GAS7: variants seen among roughly 807,000 people sequenced by gnomAD.
GAS7 encodes the protein growth arrest specific 7, also known as growth arrest-specific protein 7.
In GAS7, 28 loss-of-function variants were observed where a neutral mutation model predicts 71.1. That is an observed-to-expected ratio of 0.39 (90% confidence interval 0.29 to 0.54). The LOEUF (loss-of-function observed/expected upper bound fraction) is 0.54, where lower values mean the gene tolerates loss of function less well. Ranked by LOEUF, GAS7 falls within the 20% of genes least tolerant of loss-of-function variation. The pLI is 0.62. For synonymous variants in GAS7, 258 were observed against 245.8 expected, an observed-to-expected ratio of 1.05 and a Z score of -0.46; for missense variants, 436 against 627.8, an observed-to-expected ratio of 0.69 and a Z score of 3.27.
At chr17:10,157,113 G>A (rs1235824461) in intron 1 of GAS7, among the ~76,000 whole-genome samples, 1 of 152,076 alleles carries the variant, frequency 6.6e-6, no homozygotes, top group Non-Finnish European at 1.5e-5. Context: ...CATGCATCAT[G>A]ACAAGGCCAC....
chr17:9,935,290 C>A (rs1397331870), intron 8 of GAS7, among the ~76,000 whole-genome samples: 1 of 152,222 alleles, frequency 6.6e-6, no homozygotes, highest in East Asian at 1.9e-4. Flanking sequence ...CTCTTAGCAG[C>A]ATCACTTCTC....
At chr17:10,015,862 G>C (rs940364872) in intron 2 of GAS7, among the ~76,000 whole-genome samples, 5 of 151,816 alleles carry the variant, frequency 3.3e-5, no homozygotes, top group African/African-American at 1.2e-4. Flanking sequence ...GATTCCCCAG[G>C]GTCTCTCTGT....
intron 1 of GAS7, among the ~76,000 whole-genome samples, chr17:10,144,662 GC>G (rs1453638911): frequency 6.6e-6 from 1 of 151,898 alleles, no homozygotes; most frequent in Non-Finnish European, 1.5e-5. Context: ...TCCCACCTCA[GC>G]CCCCTAAGTA....
intron 2 of GAS7, among the ~76,000 whole-genome samples, chr17:9,999,678 G>A (rs1206033010): frequency 6.6e-6 from 1 of 152,174 alleles, no homozygotes; most frequent in Non-Finnish European, 1.5e-5. Flanking sequence ...CCAAGGAAGA[G>A]GATGGCCATT....
In GAS7 at chr17:10,019,902, T is replaced by C; in HGVS notation, c.184-5A>G. 6.2e-7 allele frequency: 1 copy of C among 1,613,068 alleles called. No individual in the cohort carries two copies. Among genetic ancestry groups the C allele is most frequent in the Non-Finnish European group, 8.5e-7 (1 of 1,179,822 alleles). On this transcript the variant is annotated splice_region_variant and splice_polypyrimidine_tract_variant and intron_variant, in intron 1 of 13. Coordinates refer to ENST00000432992, the MANE Select transcript of GAS7 (RefSeq NM_201433.2). ...AGGGGGGACCATTCCAGGCTTCTGTTGGAGAAGAAAGAAAAGGTCACACCC... is the reference window on the plus strand; with the variant it reads ...AGGGGGGACCATTCCAGGCTTCTGTCGGAGAAGAAAGAAAAGGTCACACCC...
At position 9,959,572 on chromosome 17, in the gene GAS7, T is replaced by C. The variant is rs2069395257; in HGVS notation, c.472-317A>G. 2.7e-6 allele frequency: 2 copies of C among 746,116 alleles called. No homozygotes were observed. Among genetic ancestry groups the C allele is most frequent in the African/African-American group, 3.5e-5 (2 of 56,538 alleles). The allele number at this position is 746,116 out of a possible 1,614,324, so 46.2% of individuals were successfully genotyped here. A position where few individuals can be genotyped will look rare whatever the true frequency, so the allele number is the denominator to read the frequency against. ...TAACCCCTCCGCTGCCCTCTGCTGG[T>C]GAACGTTCCGCGTGCCGCTTGCTGC... On this transcript the variant is annotated intron_variant, in intron 4 of 13. Coordinates refer to ENST00000432992, the MANE Select transcript of GAS7 (RefSeq NM_201433.2). The surrounding 1 kb of genome is among the most constrained non-coding windows in gnomAD (Gnocchi z 5.0).
Position 10,053,877 on chromosome 17 carries a change from C to T in GAS7, c.184-33980G>A, listed in dbSNP as rs116450559. On this transcript the variant is annotated intron_variant, in intron 1 of 13. Coordinates refer to ENST00000432992, the MANE Select transcript of GAS7 (RefSeq NM_201433.2). ...CCTATCCATCCCCTGAGCATCAGAGCGGTGATTCTCAAGCTTCAGCATGCA... is the reference window on the plus strand; with the variant it reads ...CCTATCCATCCCCTGAGCATCAGAGTGGTGATTCTCAAGCTTCAGCATGCA... Among the ~76,000 whole-genome samples, 199 of 152,260 alleles carry T rather than the reference C, an allele frequency of 1.3e-3. 2 individuals carry two copies. Among genetic ancestry groups the T allele is most frequent in the African/African-American group, 4.5e-3 (185 of 41,552 alleles).
chr17:10,016,751 AAATAAT>A (rs4057773), intron 2 of GAS7, among the ~76,000 whole-genome samples: 27,607 of 139,536 alleles, frequency 0.2, 2,901 homozygotes, highest in Middle Eastern at 0.25. Context: ...TCTCTACAAA[AAATAAT>A]AATAATAATA....
At chr17:10,111,991 T>A (rs1177714588) in intron 1 of GAS7, among the ~76,000 whole-genome samples, 1 of 152,190 alleles carries the variant, frequency 6.6e-6, no homozygotes, top group Non-Finnish European at 1.5e-5. Context: ...TATAAATTAA[T>A]CCAAATGAAA....
chr17:10,190,399 G>T (rs1048856676), intron 1 of GAS7, among the ~76,000 whole-genome samples: 2 of 151,918 alleles, frequency 1.3e-5, no homozygotes, highest in South Asian at 4.2e-4. Flanking sequence ...CCTGACCAGC[G>T]TGGTGAAACC....
At chr17:9,979,318 G>T (rs964536214) in intron 3 of GAS7, among the ~76,000 whole-genome samples, 1 of 152,138 alleles carries the variant, frequency 6.6e-6, no homozygotes. Context: ...GACAGGAGTT[G>T]TCAACACACT....
chr17:10,180,857 T>C (rs897664633), intron 1 of GAS7, among the ~76,000 whole-genome samples: 2 of 152,024 alleles, frequency 1.3e-5, no homozygotes, highest in Non-Finnish European at 1.5e-5. Context: ...ACCATGAATG[T>C]CAGCATGAGG....
chr17:10,133,123 T>TG (rs770717224), intron 1 of GAS7, among the ~76,000 whole-genome samples: 1 of 129,260 alleles, frequency 7.7e-6, no homozygotes, highest in Non-Finnish European at 1.6e-5. Context: ...TATTTTTATA[T>TG]TTTTTTTTTT....
At chr17:10,084,062 G>C (rs1027414440) in intron 1 of GAS7, among the ~76,000 whole-genome samples, 3 of 152,194 alleles carry the variant, frequency 2.0e-5, no homozygotes, top group Non-Finnish European at 2.9e-5. Flanking sequence ...GCTCTCACAG[G>C]GAGGCTGCGG....
intron 3 of GAS7, among the ~76,000 whole-genome samples, chr17:9,970,876 T>G (rs1292916788): frequency 6.6e-5 from 10 of 152,124 alleles, no homozygotes; most frequent in African/African-American, 2.4e-4. Flanking sequence ...CATCACGAAT[T>G]CACACTGGGA....
At chr17:10,108,229 C>A (rs987527079) in intron 1 of GAS7, among the ~76,000 whole-genome samples, 1 of 152,220 alleles carries the variant, frequency 6.6e-6, no homozygotes, top group Admixed American at 6.5e-5. Context: ...TCCCTAACAA[C>A]CTCCACCTGG....
At chr17:9,992,605 T>G (rs1046290482) in intron 2 of GAS7, among the ~76,000 whole-genome samples, 1 of 150,822 alleles carries the variant, frequency 6.6e-6, no homozygotes, top group Non-Finnish European at 1.5e-5. Context: ...TTTAATTAAT[T>G]AATTTATTAT....
chr17:10,076,792 TCCTGTACGAGGGCTGCCCTC>T (rs1229480682), intron 1 of GAS7, among the ~76,000 whole-genome samples: 1 of 152,050 alleles, frequency 6.6e-6, no homozygotes, highest in Non-Finnish European at 1.5e-5. Flanking sequence ...CAATAGAGAA[TCCTGTACGAGGGCTGCCCTC>T]CCAGTACCAG....
At chr17:9,991,588 C>T (rs778843711) in intron 2 of GAS7, among the ~76,000 whole-genome samples, 12 of 152,080 alleles carry the variant, frequency 7.9e-5, no homozygotes, top group Non-Finnish European at 1.3e-4. Context: ...CCAAGGAATT[C>T]GAAGGGTCGC....
Sources: allele counts gnomAD v4.1 joint callset (sites outside exome capture counted in the v4.1 genomes callset), GRCh38; gene constraint gnomAD v4.1.1; non-coding constraint Gnocchi (gnomAD v3.1); transcripts MANE v1.5; gene names NCBI Gene and HGNC (gene_info 2026-07-23, HGNC 2026-07-21).